MAP2K1: variants seen among roughly 807,000 people sequenced by gnomAD.
The protein encoded by MAP2K1 is dual specificity mitogen-activated protein kinase kinase 1.
Under a neutral mutation model 46.3 loss-of-function variants are expected in MAP2K1, and 16 were observed. The observed-to-expected ratio is 0.35, with a 90% CI of 0.23 to 0.52. The LOEUF (loss-of-function observed/expected upper bound fraction) is 0.52. Among genes scored for constraint, MAP2K1 ranks in the 20% least tolerant of loss-of-function variants. The pLI, the probability that MAP2K1 is intolerant of heterozygous loss-of-function variation, is 0.94. For missense variants in MAP2K1, 263 were observed against 497.1 expected (o/e 0.53, Z 4.48); for synonymous variants, 183 against 185.6 (o/e 0.99, Z 0.11).
intron 1 of MAP2K1, among the ~76,000 whole-genome samples, chr15:66,417,524 A>G (rs960785760): frequency 3.3e-5 from 5 of 152,162 alleles, no homozygotes; most frequent in African/African-American, 1.2e-4. Context: ...GCAGTGAGCC[A>G]TGATTGCACC....
At chr15:66,387,680 A>C (rs996115420) in intron 1 of MAP2K1, among the ~76,000 whole-genome samples, 1 of 152,004 alleles carries the variant, frequency 6.6e-6, no homozygotes. Context: ...GTTCCTGGCC[A>C]CTGTACAGTC....
At chr15:66,403,002 T>A (rs550444317) in intron 1 of MAP2K1, among the ~76,000 whole-genome samples, 2 of 152,272 alleles carry the variant, frequency 1.3e-5, no homozygotes, top group Non-Finnish European at 2.9e-5. Context: ...TGCCCAGATT[T>A]ATAGAAGCAG....
At chr15:66,467,991 A>G (rs1892508704) in intron 5 of MAP2K1, among the ~76,000 whole-genome samples, 2 of 152,246 alleles carry the variant, frequency 1.3e-5, no homozygotes, top group Admixed American at 6.5e-5. Context: ...GCAAACAAAA[A>G]TGTACCCTGG....
rs886575222 is a variant in MAP2K1 at position 66,480,194 on chromosome 15, T to A, written c.569-1561T>A. Among the ~76,000 whole-genome samples the A allele has an allele frequency of 3.9e-5, 6 of 152,150 alleles. 1 individual carries two copies. Among genetic ancestry groups the A allele is most frequent in the African/African-American group, 1.4e-4 (6 of 41,432 alleles). On this transcript the variant is annotated intron_variant, in intron 5 of 10. Coordinates refer to ENST00000307102, the MANE Select transcript of MAP2K1 (RefSeq NM_002755.4). ...ACCTCCTCCTCCCAGGTTCAAGTGA[T>A]TCCCCTGCCTCAGCCTCCCAAGTAG...
intron 1 of MAP2K1, among the ~76,000 whole-genome samples, chr15:66,419,075 T>C (rs1595850528): frequency 6.7e-6 from 1 of 150,038 alleles, no homozygotes; most frequent in Admixed American, 6.7e-5. Flanking sequence ...CAAGCGATTC[T>C]CCTGCCTCAT....
At chr15:66,389,008 G>A (rs560405983) in intron 1 of MAP2K1, among the ~76,000 whole-genome samples, 123 of 146,960 alleles carry the variant, frequency 8.4e-4, no homozygotes, top group African/African-American at 3.0e-3. Context: ...CCGGGTTCAA[G>A]CGACTCTCCT....
At chr15:66,421,788 C>A (rs542432195) in intron 1 of MAP2K1, among the ~76,000 whole-genome samples, 2 of 149,402 alleles carry the variant, frequency 1.3e-5, no homozygotes, top group East Asian at 3.9e-4. Flanking sequence ...GACAGAGTGA[C>A]TCCATCTCAA....
chr15:66,408,672 A>G (rs2140534277), intron 1 of MAP2K1, among the ~76,000 whole-genome samples: 1 of 152,110 alleles, frequency 6.6e-6, no homozygotes, highest in Non-Finnish European at 1.5e-5. Flanking sequence ...CCCTGTGGGG[A>G]TCAGCGCATG....
At chr15:66,453,850 G>A (rs186653432) in intron 5 of MAP2K1, among the ~76,000 whole-genome samples, 32 of 152,238 alleles carry the variant, frequency 2.1e-4, no homozygotes, top group Admixed American at 7.2e-4. Flanking sequence ...CAGGCTTGGA[G>A]TACAGTGGTG....
chr15:66,401,037 G>A (rs1216037498), intron 1 of MAP2K1, among the ~76,000 whole-genome samples: 1 of 152,126 alleles, frequency 6.6e-6, no homozygotes, highest in African/African-American at 2.4e-5. Context: ...TTGGATAGTC[G>A]AGATCAGTTG....
At chr15:66,471,821 A>C (rs936261813) in intron 5 of MAP2K1, among the ~76,000 whole-genome samples, 1 of 152,078 alleles carries the variant, frequency 6.6e-6, no homozygotes, top group East Asian at 1.9e-4. Context: ...GGCTCACCCT[A>C]TAATCCCAGC....
intron 10 of MAP2K1, chr15:66,490,282 CTCCA>C: frequency 1.5e-6 from 1 of 678,448 alleles, no homozygotes. Flanking sequence ...CACGAGTAGG[CTCCA>C]AGAGGTGACT....
At chr15:66,468,264 ACCT>A (rs1158784033) in intron 5 of MAP2K1, among the ~76,000 whole-genome samples, 3 of 151,692 alleles carry the variant, frequency 2.0e-5, no homozygotes, top group Non-Finnish European at 4.4e-5. Context: ...GGTAAGACAG[ACCT>A]CCTTTTTTTT....
rs2140675512 is a variant in MAP2K1 at position 66,485,203 on chromosome 15, G to A, written c.895+12G>A. 1 of 1,612,004 alleles carries A rather than the reference G, an allele frequency of 6.2e-7. No homozygotes were observed. The highest frequency in any genetic ancestry group is 8.5e-7 in the Non-Finnish European group (1 of 1,178,884). ...GAGGCCCCTTAGCTGTGAGTAGCCTGGTGTGTCCCCATCTTGGACTGTTGG... is the reference window on the plus strand; with the variant it reads ...GAGGCCCCTTAGCTGTGAGTAGCCTAGTGTGTCCCCATCTTGGACTGTTGG... On this transcript the variant is annotated intron_variant, in intron 7 of 10. Coordinates refer to ENST00000307102, the MANE Select transcript of MAP2K1 (RefSeq NM_002755.4).
At position 66,469,472 on chromosome 15, in the gene MAP2K1, CTTTTTTTTTTTTTT is replaced by C. The variant is rs370379739; in HGVS notation, c.569-12269_569-12256del. Among the ~76,000 whole-genome samples, 15 of 76,608 alleles carry C rather than the reference CTTTTTTTTTTTTTT, an allele frequency of 2.0e-4. No homozygotes were observed. The South Asian group carries it at 2.6e-3, about 13-fold the overall frequency. 50.3% of individuals were successfully genotyped at this position (76,608 alleles called of 152,430 possible). A position where few individuals can be genotyped will look rare whatever the true frequency, so the allele number is the denominator to read the frequency against. On this transcript the variant is annotated intron_variant, in intron 5 of 10. Coordinates refer to ENST00000307102, the MANE Select transcript of MAP2K1 (RefSeq NM_002755.4). ...TCCCCCAAAGGGAGTCTGGTGCCTC[CTTTTTTTTTTTTTT>C]TTTTTTTTTTTTTGTTGAGGAACTC...
At chr15:66,479,673 C>G (rs899303169) in intron 5 of MAP2K1, among the ~76,000 whole-genome samples, 1 of 152,134 alleles carries the variant, frequency 6.6e-6, no homozygotes, top group Non-Finnish European at 1.5e-5. Flanking sequence ...TAGAACCATT[C>G]ATTCAACAAG....
At chr15:66,406,389 A>C (rs1053815942) in intron 1 of MAP2K1, among the ~76,000 whole-genome samples, 1 of 152,220 alleles carries the variant, frequency 6.6e-6, no homozygotes, top group African/African-American at 2.4e-5. Context: ...AAAGGCATTT[A>C]AATTATACAC....
At chr15:66,421,087 C>CACAT (rs1567003666) in intron 1 of MAP2K1, among the ~76,000 whole-genome samples, 5 of 58,588 alleles carry the variant, frequency 8.5e-5, no homozygotes, top group Admixed American at 5.2e-4. Flanking sequence ...TACACATACA[C>CACAT]ACACATACAC....
At chr15:66,390,841 C>G (rs1285949416) in intron 1 of MAP2K1, among the ~76,000 whole-genome samples, 1 of 152,122 alleles carries the variant, frequency 6.6e-6, no homozygotes, top group Admixed American at 6.6e-5. Context: ...CTTTCTTCCA[C>G]CACACTAGTC....
Sources: allele counts gnomAD v4.1 joint callset (sites outside exome capture counted in the v4.1 genomes callset), GRCh38; gene constraint gnomAD v4.1.1; transcripts MANE v1.5; gene names NCBI Gene and HGNC (gene_info 2026-07-23, HGNC 2026-07-21).